Variants in UBE2J2 observed in about 807,000 individuals in gnomAD.
UBE2J2 encodes ubiquitin conjugating enzyme E2 J2, also known as ubiquitin-conjugating enzyme E2 J2.
A neutral mutation model predicts 28.6 loss-of-function variants in UBE2J2; 5 were observed. That is an observed-to-expected ratio of 0.17 (90% confidence interval 0.09 to 0.37). The LOEUF is 0.37. UBE2J2 is among the 10% of genes least tolerant of loss of function. The pLI is 1.00. For synonymous variants in UBE2J2, 138 were observed against 139.7 expected (o/e 0.99, Z 0.09); for missense variants, 226 against 338.9 (o/e 0.67, Z 2.62).
In UBE2J2 at chr1:1,256,066, T is replaced by C; in HGVS notation, c.474A>G (p.Glu158=). 1 of 1,613,356 alleles carries C rather than the reference T, an allele frequency of 6.2e-7. No homozygotes were observed. The highest frequency in any genetic ancestry group is 8.5e-7 in the Non-Finnish European group (1 of 1,179,354). The change falls in exon 6 of 7, where the codon GAA becomes GAG. Residue 158 remains glutamate (E), a synonymous_variant. Transcript: ENST00000349431. ...TTACCTCCACGACTTCAGGAAATAA[T>C]TCACAAAAGACTTTATCTTTCAAAT... is the stretch of plus-strand genomic sequence containing the variant. The part of the protein sequence containing the change: ...AFNLKDKVFC[E]LFPEVVEEIK...
At chr1:1,259,975 C>A (rs958052592) in intron 3 of UBE2J2, among the ~76,000 whole-genome samples, 1 of 152,218 alleles carries the variant, frequency 6.6e-6, no homozygotes, top group Admixed American at 6.5e-5. Flanking sequence ...CTCTCTTGAT[C>A]ACTAGGGGCT....
rs904233808 is a variant in UBE2J2 at position 1,254,041 on chromosome 1, C to T, written c.*1162G>A. 6.6e-6 allele frequency: 1 copy of T among 152,254 alleles called. No homozygotes were observed. The highest frequency in any genetic ancestry group is 2.4e-5 in the African/African-American group (1 of 41,472). The allele number at this position is 152,254 out of a possible 1,614,324, so 9.4% of individuals were successfully genotyped here. A position where few individuals can be genotyped will look rare whatever the true frequency, so the allele number is the denominator to read the frequency against. ...ACGAAGAAAGATGAGCGCGTGCGGG[C>T]TGGGCTTGTCTCACGCCCGCCTCCG... On this transcript the variant is annotated 3_prime_UTR_variant, in exon 7 of 7. Transcript: ENST00000349431.
intron 5 of UBE2J2, among the ~76,000 whole-genome samples, chr1:1,256,688 T>C (rs1272283648): frequency 6.6e-6 from 1 of 151,612 alleles, no homozygotes; most frequent in Non-Finnish European, 1.5e-5. Flanking sequence ...CAAGACATCC[T>C]GGTTAACACG....
At chr1:1,257,178 A>G in intron 4 of UBE2J2, 30 bp downstream of exon 4, 2 of 1,601,802 alleles carry the variant, frequency 1.2e-6, no homozygotes, top group Non-Finnish European at 1.7e-6. Context: ...CGCAGCCAGA[A>G]AGCCTCCGCG....
chr1:1,255,691 C>T (rs1453184405), intron 6 of UBE2J2, among the ~76,000 whole-genome samples: 3 of 152,200 alleles, frequency 2.0e-5, no homozygotes, highest in Non-Finnish European at 4.4e-5. Context: ...TCAGGCAGAC[C>T]AGAGCAAGGC....
chr1:1,259,430 C>T (rs539028497), intron 3 of UBE2J2, among the ~76,000 whole-genome samples: 158 of 152,348 alleles, frequency 1.0e-3, no homozygotes, highest in Non-Finnish European at 1.0e-3. Context: ...CCCTTGGGCT[C>T]CCTGTGCACA....
In UBE2J2 at chr1:1,268,713, C is replaced by T. The variant is rs1012756234; in HGVS notation, c.1-721G>A. Among the ~76,000 whole-genome samples, 2 of 152,196 alleles carry T rather than the reference C, an allele frequency of 1.3e-5. No homozygotes were observed. The highest frequency in any genetic ancestry group is 2.9e-5 in the Non-Finnish European group (2 of 68,032). ...CATAAGAGTTTATTTACTTATTTTTCGTGAGACAGGGTCTTGCTCTGTCGC... is the reference window on the plus strand; with the variant it reads ...CATAAGAGTTTATTTACTTATTTTTTGTGAGACAGGGTCTTGCTCTGTCGC... On this transcript the variant is annotated intron_variant, in intron 1 of 6. Transcript: ENST00000349431. The surrounding 1 kb of genome is among the most constrained non-coding windows in gnomAD (Gnocchi z 4.7).
intron 2 of UBE2J2, chr1:1,266,170 C>T: frequency 1.5e-6 from 2 of 1,300,776 alleles, no homozygotes; most frequent in Non-Finnish European, 2.0e-6. Context: ...GGCCAAGGGG[C>T]TCCGCCTCAC....
rs1319709073 is a variant in UBE2J2, at chr1:1,268,481, C to G, written c.1-489G>C. 1.3e-5 allele frequency among the ~76,000 whole-genome samples: 2 copies of G among 152,138 alleles called. No individual in the cohort carries two copies. The highest frequency in any genetic ancestry group is 4.8e-5 in the African/African-American group (2 of 41,424). On this transcript the variant is annotated intron_variant, in intron 1 of 6. Transcript: ENST00000349431. The surrounding 1 kb of genome is among the most constrained non-coding windows in gnomAD (Gnocchi z 4.7). ...GCTGCCCAGCATTTACCACTAGCCA[C>G]AAGCAAAACGAGCCGCAGAACGGGG...
chr1:1,267,777 G>A (rs543556442), intron 2 of UBE2J2, 85 bp downstream of exon 2: 11 of 1,577,240 alleles, frequency 7.0e-6, no homozygotes, highest in East Asian at 4.5e-5. Context: ...CATGACTGGG[G>A]CACCAGGCTC....
chr1:1,271,026 CCT>C (rs2100251370), intron 1 of UBE2J2, among the ~76,000 whole-genome samples: 1 of 152,370 alleles, frequency 6.6e-6, no homozygotes, highest in South Asian at 2.1e-4. Flanking sequence ...CAGAGGCCTC[CCT>C]GATTTCCCTG....
At position 1,255,243 on chromosome 1, in the gene UBE2J2, T is replaced by A. The variant is rs1377717733; in HGVS notation, c.740A>T (p.Tyr247Phe). 5.6e-6 allele frequency: 9 copies of A among 1,612,106 alleles called. No homozygotes were observed. The highest frequency in any genetic ancestry group is 7.6e-6 in the Non-Finnish European group (9 of 1,178,888). Residue 247 changes from tyrosine (Y) to phenylalanine (F), a missense_variant, in exon 7 of 7, where the codon TAC (tyrosine) becomes TTC (phenylalanine). This residue lies in a region of UBE2J2 where 133 missense variants were observed against 161.5 expected (regional missense o/e 0.82). Coordinates refer to ENST00000349431, the MANE Select transcript of UBE2J2 (RefSeq NM_058167.3). Reference sequence around the variant, plus strand: ...GCTCCTCAGCACGTACTTGACCGTGTAAGCAAAGGCTGCAAACCCAACTAT... The same window carrying A: ...GCTCCTCAGCACGTACTTGACCGTGAAAGCAAAGGCTGCAAACCCAACTAT... ...FVIVGFAAFA[Y>F]TVKYVLRSIA...
chr1:1,265,704 T>C (rs1639822185), intron 2 of UBE2J2, among the ~76,000 whole-genome samples: 1 of 150,042 alleles, frequency 6.7e-6, no homozygotes, highest in East Asian at 2.0e-4. Flanking sequence ...CTCAGCTCAC[T>C]GCAACCTCCG....
intron 3 of UBE2J2, among the ~76,000 whole-genome samples, chr1:1,259,279 G>GTATGTC (rs1372948630): frequency 6.6e-6 from 1 of 151,958 alleles, no homozygotes; most frequent in African/African-American, 2.4e-5. Context: ...ATGTGTATGT[G>GTATGTC]CATGCCATCA....
intron 3 of UBE2J2, chr1:1,263,140 G>GTGAACACAGA: frequency 1.7e-6 from 1 of 571,710 alleles, no homozygotes; most frequent in Non-Finnish European, 3.2e-6. Flanking sequence ...GCTACAGGCG[G>GTGAACACAGA]CCCTGCAGGC....
At chr1:1,263,314 T>C (rs771192131) in intron 3 of UBE2J2, 32 bp downstream of exon 3, 25 of 1,602,544 alleles carry the variant, frequency 1.6e-5, no homozygotes, top group Non-Finnish European at 2.1e-5. Context: ...AAAAACCGCC[T>C]GGTGTTCTTC....
chr1:1,262,491 GT>G, intron 3 of UBE2J2: 1 of 331,290 alleles, frequency 3.0e-6, no homozygotes, highest in Non-Finnish European at 6.1e-6. Flanking sequence ...CCTCCCGACA[GT>G]CCAAAGCAGG....
intron 2 of UBE2J2, 116 bp from the exon 3 acceptor site, chr1:1,263,502 G>T: frequency 1.1e-6 from 1 of 890,386 alleles, no homozygotes; most frequent in Non-Finnish European, 1.9e-6. Flanking sequence ...CATTCAGGCA[G>T]TGAACAAATG....
intron 1 of UBE2J2, among the ~76,000 whole-genome samples, chr1:1,270,835 C>G (rs1426763690): frequency 1.3e-5 from 2 of 152,090 alleles, no homozygotes; most frequent in African/African-American, 4.8e-5. Flanking sequence ...CTCCTCATTC[C>G]CAGCTCCCAA....
Sources: allele counts gnomAD v4.1 joint callset (sites outside exome capture counted in the v4.1 genomes callset), GRCh38; gene constraint gnomAD v4.1.1; regional missense constraint gnomAD v4.1.1; non-coding constraint Gnocchi (gnomAD v3.1); transcripts MANE v1.5; gene names NCBI Gene and HGNC (gene_info 2026-07-23, HGNC 2026-07-21).